Variants in SORCS3 observed in about 807,000 individuals in gnomAD.
SORCS3 encodes sortilin related VPS10 domain containing receptor 3, also known as VPS10 domain-containing receptor SorCS3.
SORCS3 carries 57 observed loss-of-function variants against 146.3 expected under a neutral mutation model. The ratio of observed to expected loss-of-function variants is 0.39; its 90% CI spans 0.31 to 0.49. SORCS3 has a LOEUF of 0.49. SORCS3 is among the 20% of genes least tolerant of loss of function. The pLI is 0.92. For missense variants in SORCS3, 1,341 were observed against 1,575.5 expected (o/e 0.85, Z 2.52); for synonymous variants, 653 against 618.5 (o/e 1.06, Z -0.83).
chr10:105,224,508 C>T (rs1194799328), intron 20 of SORCS3, among the ~76,000 whole-genome samples: 1 of 152,150 alleles, frequency 6.6e-6, no homozygotes, highest in Admixed American at 6.6e-5. Flanking sequence ...ATACTGGTTG[C>T]TTCTAAGTTT....
At chr10:104,835,953 C>T (rs1366987474) in intron 1 of SORCS3, among the ~76,000 whole-genome samples, 1 of 152,178 alleles carries the variant, frequency 6.6e-6, no homozygotes, top group East Asian at 1.9e-4. Context: ...TAGTAAAACA[C>T]AGCCAACTCC....
At chr10:104,675,085 G>T (rs1274989083) in intron 1 of SORCS3, among the ~76,000 whole-genome samples, 1 of 152,282 alleles carries the variant, frequency 6.6e-6, no homozygotes, top group South Asian at 2.1e-4. Context: ...CTCCAGCAAT[G>T]GATGAGATTT....
intron 4 of SORCS3, among the ~76,000 whole-genome samples, chr10:104,991,082 C>T (rs1236443741): frequency 1.3e-5 from 2 of 152,248 alleles, no homozygotes; most frequent in East Asian, 1.9e-4. Flanking sequence ...GCCCAGGCAT[C>T]GACTGACCCA....
chr10:104,876,570 C>G (rs1209076388), intron 2 of SORCS3, among the ~76,000 whole-genome samples: 2 of 152,082 alleles, frequency 1.3e-5, no homozygotes, highest in South Asian at 2.1e-4. Flanking sequence ...AAGTTAGAAG[C>G]CTGGATAGGG....
At chr10:104,976,917 G>T (rs1188013893) in intron 3 of SORCS3, among the ~76,000 whole-genome samples, 4 of 152,100 alleles carry the variant, frequency 2.6e-5, no homozygotes, top group African/African-American at 9.7e-5. Flanking sequence ...TGTGGGGTGG[G>T]GGAAGGTGGG....
At chr10:105,206,896 A>G (rs1378359627) in intron 16 of SORCS3, among the ~76,000 whole-genome samples, 1 of 152,118 alleles carries the variant, frequency 6.6e-6, no homozygotes, top group Non-Finnish European at 1.5e-5. Flanking sequence ...CCTGTAGATC[A>G]CTAGTACTGG....
At chr10:104,876,504 T>A (rs1443786421) in intron 2 of SORCS3, among the ~76,000 whole-genome samples, 1 of 152,220 alleles carries the variant, frequency 6.6e-6, no homozygotes, top group East Asian at 1.9e-4. Flanking sequence ...AGCTTTCTGA[T>A]CCTTCCAGAA....
In SORCS3 at chr10:104,958,653, G is replaced by A. The variant is rs185979510; in HGVS notation, c.796-18682G>A. Among the ~76,000 whole-genome samples, 96 of 152,256 alleles carry A rather than the reference G, an allele frequency of 6.3e-4. 1 individual carries two copies. The highest frequency in any genetic ancestry group is 2.2e-3 in the African/African-American group (93 of 41,566). Reference sequence around the variant, plus strand: ...GAGCAGCCTTTGGAAGCTGCAAAAGGCAAAGAAAACAGATCCTCCCAATAT... The same window carrying A: ...GAGCAGCCTTTGGAAGCTGCAAAAGACAAAGAAAACAGATCCTCCCAATAT... On this transcript the variant is annotated intron_variant, in intron 3 of 26. Transcript: ENST00000369701.
intron 1 of SORCS3, among the ~76,000 whole-genome samples, chr10:104,805,456 A>G (rs977609417): frequency 2.0e-5 from 3 of 152,222 alleles, no homozygotes; most frequent in Non-Finnish European, 2.9e-5. Context: ...GGTTTTGGCT[A>G]GAAGAGTGTG....
intron 7 of SORCS3, among the ~76,000 whole-genome samples, chr10:105,105,770 G>T (rs1399141738): frequency 6.6e-6 from 1 of 152,140 alleles, no homozygotes; most frequent in African/African-American, 2.4e-5. Context: ...GGCTGGGTTT[G>T]AAGTAACTTA....
At chr10:105,183,779 G>T (rs372485425) in intron 14 of SORCS3, among the ~76,000 whole-genome samples, 8 of 152,270 alleles carry the variant, frequency 5.3e-5, no homozygotes, top group Admixed American at 1.3e-4. Flanking sequence ...GCCTGCAGAG[G>T]GGGTATTGGA....
chr10:104,973,534 T>C (rs1351594538), intron 3 of SORCS3, among the ~76,000 whole-genome samples: 1 of 151,058 alleles, frequency 6.6e-6, no homozygotes, highest in Non-Finnish European at 1.5e-5. Context: ...GTGGGATCGG[T>C]GGTGATATCC....
intron 2 of SORCS3, among the ~76,000 whole-genome samples, chr10:104,858,589 T>A (rs2133558612): frequency 6.6e-6 from 1 of 152,238 alleles, no homozygotes; most frequent in Non-Finnish European, 1.5e-5. Flanking sequence ...TTAAGACTCT[T>A]AGCATACATT....
intron 4 of SORCS3, among the ~76,000 whole-genome samples, chr10:104,979,321 A>T (rs1589576897): frequency 6.6e-6 from 1 of 152,308 alleles, no homozygotes; most frequent in South Asian, 2.1e-4. Context: ...AAGACATTTT[A>T]GATGATTTCC....
At chr10:105,007,850 A>G (rs916150867) in intron 4 of SORCS3, among the ~76,000 whole-genome samples, 4 of 152,184 alleles carry the variant, frequency 2.6e-5, no homozygotes, top group Non-Finnish European at 5.9e-5. Context: ...AAGGCAGGAA[A>G]GAAATTTGAA....
intron 11 of SORCS3, 93 bp from the exon 12 acceptor site, chr10:105,164,210 A>G: frequency 1.1e-6 from 1 of 911,980 alleles, no homozygotes; most frequent in Non-Finnish European, 1.8e-6. Flanking sequence ...TATCACTTAG[A>G]AAACCTTTAC....
intron 22 of SORCS3, among the ~76,000 whole-genome samples, chr10:105,249,767 T>TC (rs1476194936): frequency 6.6e-6 from 1 of 151,988 alleles, no homozygotes; most frequent in African/African-American, 2.4e-5. Flanking sequence ...ATGCTGGTAG[T>TC]CCCAGCTACT....
At chr10:104,949,545 G>A (rs2019407224) in intron 3 of SORCS3, among the ~76,000 whole-genome samples, 1 of 152,134 alleles carries the variant, frequency 6.6e-6, no homozygotes. Context: ...GCCCTCTTTG[G>A]AACCCCTTGT....
intron 7 of SORCS3, among the ~76,000 whole-genome samples, chr10:105,136,232 C>G (rs12782521): frequency 0.13 from 19,436 of 152,222 alleles, 1,641 homozygotes; most frequent in Middle Eastern, 0.19. Flanking sequence ...GGTTTGATGT[C>G]TGATGAGGGC....
Sources: gnomAD v4.1 joint callset for allele counts (sites outside exome capture counted in the v4.1 genomes callset) on GRCh38, gnomAD v4.1.1 for gene constraint, MANE v1.5 for transcripts, NCBI Gene and HGNC (gene_info 2026-07-23, HGNC 2026-07-21) for gene names.